Variants in NDEL1 observed in about 807,000 individuals in gnomAD.
The protein encoded by NDEL1 is nuclear distribution protein nudE-like 1.
In NDEL1, 9 loss-of-function variants were observed where a neutral mutation model predicts 45.7. That is an observed-to-expected ratio of 0.20 (90% CI 0.12 to 0.34). NDEL1 has a LOEUF of 0.34. Among genes scored for constraint, NDEL1 ranks in the 10% least tolerant of loss-of-function variants. The probability of loss-of-function intolerance (pLI) is 1.00; values close to 1 mark genes in which losing one functional copy is unlikely to be tolerated. For missense variants in NDEL1, 306 were observed against 406.2 expected (o/e 0.75, Z 2.12); for synonymous variants, 133 against 158.6 (o/e 0.84, Z 1.21).
rs182219259 is a variant in NDEL1, at chr17:8,425,942, C to G, written c.-13+12673C>G. On this transcript the variant is annotated intron_variant, in intron 1 of 4. Transcript: ENST00000582812. ...GAATAGCTAGGATTACAAATGTAAGCCACCTTGCCCAGCTAATTTTTAAAT... is the reference window on the plus strand; with the variant it reads ...GAATAGCTAGGATTACAAATGTAAGGCACCTTGCCCAGCTAATTTTTAAAT... 4.9e-3 allele frequency among the ~76,000 whole-genome samples: 740 copies of G among 152,260 alleles called. 6 individuals carry two copies. Among genetic ancestry groups the G allele is most frequent in the African/African-American group, 0.017 (705 of 41,542 alleles).
rs1181702831 is a variant in NDEL1, at chr17:8,435,911, G to A, written c.-147G>A. On this transcript the variant is annotated 5_prime_UTR_variant, in exon 1 of 9. Coordinates refer to ENST00000334527, the MANE Select transcript of NDEL1 (RefSeq NM_030808.5). ...TCCCTGACGTGTCGGGGAGGAGCCG[G>A]GCGCGGAGGTACGCTGAGTGGAGCT... The A allele has an allele frequency of 8.9e-6, 4 of 448,046 alleles. No homozygotes were observed. Among genetic ancestry groups the A allele is most frequent in the African/African-American group, 6.2e-5 (3 of 48,522 alleles). 27.8% of individuals were successfully genotyped at this position (448,046 alleles called of 1,614,324 possible).
At chr17:8,451,170 G>C (rs1202065395) in intron 6 of NDEL1, among the ~76,000 whole-genome samples, 1 of 152,174 alleles carries the variant, frequency 6.6e-6, no homozygotes, top group East Asian at 1.9e-4. Context: ...ATTTTTAAAA[G>C]TTAAAGGTTT....
intron 7 of NDEL1, among the ~76,000 whole-genome samples, chr17:8,457,921 C>A (rs1910946545): frequency 6.6e-6 from 1 of 152,188 alleles, no homozygotes; most frequent in South Asian, 2.1e-4. Context: ...TTTGATATTT[C>A]TGTATTACAT....
chr17:8,418,611 A>C (rs538851137), intron 1 of NDEL1, among the ~76,000 whole-genome samples: 2 of 152,140 alleles, frequency 1.3e-5, no homozygotes, highest in South Asian at 4.2e-4. Context: ...AGCTCTATAA[A>C]AAAGTTTATG....
rs745779793 is a variant in NDEL1 at position 8,448,700 on chromosome 17, C to T, written c.526+14C>T. 13 of 1,602,968 alleles carry T rather than the reference C, an allele frequency of 8.1e-6. No homozygotes were observed. The highest frequency in any genetic ancestry group is 3.3e-4 in the Middle Eastern group (2 of 6,018). On this transcript the variant is annotated intron_variant, in intron 5 of 8. Coordinates refer to ENST00000334527, the MANE Select transcript of NDEL1 (RefSeq NM_030808.5). The stretch of plus-strand genomic sequence containing the variant: ...ATGAAGCAAGAGGTAAAATTTATAA[C>T]TTAAAGAATACAGTTGACCCTTGAA...
chr17:8,466,224 A>G (rs1372683348), intron 8 of NDEL1: 1 of 152,260 alleles, frequency 6.6e-6, no homozygotes, highest in African/African-American at 2.4e-5. Context: ...CACAGCCCAG[A>G]GGGAAGAAAA....
At chr17:8,449,668 T>A (rs1172434737) in intron 5 of NDEL1, among the ~76,000 whole-genome samples, 1 of 152,236 alleles carries the variant, frequency 6.6e-6, no homozygotes, top group Non-Finnish European at 1.5e-5. Context: ...TTATTGCATT[T>A]AGCATAATGT....
chr17:8,446,027 A>G (rs543281942), intron 3 of NDEL1, 163 bp downstream of exon 3: 1 of 653,520 alleles, frequency 1.5e-6, no homozygotes, highest in Admixed American at 4.3e-5. Flanking sequence ...AACCAGGGGA[A>G]AAGGTGGTTT....
chr17:8,445,475 C>T (rs182648303), intron 2 of NDEL1, among the ~76,000 whole-genome samples: 84 of 55,202 alleles, frequency 1.5e-3, no homozygotes, highest in African/African-American at 1.8e-3. Context: ...TATTGAGCCA[C>T]GTAGCCTTAC....
chr17:8,424,947 G>A (rs776306818), intron 1 of NDEL1, among the ~76,000 whole-genome samples: 1 of 152,126 alleles, frequency 6.6e-6, no homozygotes, highest in Admixed American at 6.5e-5. Flanking sequence ...GATTATAGGC[G>A]TGAACCCCCA....
chr17:8,449,060 G>A (rs1910283518), intron 5 of NDEL1, among the ~76,000 whole-genome samples: 1 of 152,234 alleles, frequency 6.6e-6, no homozygotes, highest in East Asian at 1.9e-4. Context: ...TCAGCTCACT[G>A]CAAATTCCGC....
At chr17:8,418,600 C>G (rs1259643111) in intron 1 of NDEL1, among the ~76,000 whole-genome samples, 4 of 152,030 alleles carry the variant, frequency 2.6e-5, no homozygotes, top group Non-Finnish European at 5.9e-5. Flanking sequence ...AATGTATGGC[C>G]AGCTCTATAA....
intron 1 of NDEL1, among the ~76,000 whole-genome samples, chr17:8,419,755 A>G (rs1279915294): frequency 1.3e-5 from 2 of 152,192 alleles, no homozygotes; most frequent in Non-Finnish European, 2.9e-5. Context: ...TAATGAATAC[A>G]GACTCATAGA....
At chr17:8,440,456 G>C (rs1225011729) in intron 1 of NDEL1, among the ~76,000 whole-genome samples, 1 of 150,952 alleles carries the variant, frequency 6.6e-6, no homozygotes, top group Non-Finnish European at 1.5e-5. Flanking sequence ...AGAGGTTGCA[G>C]TGAACTAGGA....
intron 1 of NDEL1, among the ~76,000 whole-genome samples, chr17:8,419,471 G>T (rs1486118455): frequency 6.6e-6 from 1 of 152,020 alleles, no homozygotes; most frequent in Non-Finnish European, 1.5e-5. Flanking sequence ...ATCATAATTT[G>T]TTTTCATATG....
intron 1 of NDEL1, among the ~76,000 whole-genome samples, chr17:8,419,341 C>T (rs1833179254): frequency 6.6e-6 from 1 of 152,104 alleles, no homozygotes; most frequent in Non-Finnish European, 1.5e-5. Flanking sequence ...AGATAACCAC[C>T]ACTTATAAAT....
At chr17:8,446,213 T>C (rs1368466879) in intron 3 of NDEL1, among the ~76,000 whole-genome samples, 2 of 152,240 alleles carry the variant, frequency 1.3e-5, no homozygotes, top group Non-Finnish European at 2.9e-5. Context: ...GGAATATGCA[T>C]TTATTTCATT....
At chr17:8,446,702 T>C in intron 3 of NDEL1, 52 bp from the exon 4 acceptor site, 1 of 1,579,092 alleles carries the variant, frequency 6.3e-7, no homozygotes, top group South Asian at 1.1e-5. Flanking sequence ...ACCTCTTTAG[T>C]AAAGAGAACT....
chr17:8,470,053 C>T (rs988668386), downstream of NDEL1, among the ~76,000 whole-genome samples: 3 of 151,778 alleles, frequency 2.0e-5, no homozygotes, highest in Admixed American at 1.3e-4. This position sits in a 1 kb window ranked among gnomAD's most constrained non-coding sequence, Gnocchi z 4.2. Context: ...GGCAAATGAT[C>T]CCCCGTGAAG....
Sources: gnomAD v4.1 joint callset for allele counts (sites outside exome capture counted in the v4.1 genomes callset) on GRCh38, gnomAD v4.1.1 for gene constraint, Gnocchi (gnomAD v3.1) non-coding constraint, MANE v1.5 for transcripts, NCBI Gene and HGNC (gene_info 2026-07-23, HGNC 2026-07-21) for gene names.